KCNB2: variants seen among roughly 807,000 people sequenced by gnomAD.
The protein encoded by KCNB2 is delayed rectifier potassium channel protein.
A neutral mutation model predicts 61.5 loss-of-function variants in KCNB2; 15 were observed. The observed-to-expected ratio is 0.24, with a 90% CI of 0.16 to 0.38. KCNB2 has a LOEUF of 0.38. KCNB2 is among the 10% of genes least tolerant of loss of function. The pLI, the probability that KCNB2 is intolerant of heterozygous loss-of-function variation, is 1.00. For missense variants in KCNB2, 828 were observed against 1,125.2 expected, an observed-to-expected ratio of 0.74 and a Z score of 3.78; for synonymous variants, 457 against 446.0, an observed-to-expected ratio of 1.02 and a Z score of -0.31.
At chr8:72,620,843 G>C (rs1306869341) in intron 2 of KCNB2, among the ~76,000 whole-genome samples, 1 of 152,028 alleles carries the variant, frequency 6.6e-6, no homozygotes, top group Admixed American at 6.6e-5. Context: ...CCTGACCTCA[G>C]TTGATCCACC....
At chr8:72,643,633 G>A (rs1013070775) in intron 2 of KCNB2, among the ~76,000 whole-genome samples, 1 of 152,042 alleles carries the variant, frequency 6.6e-6, no homozygotes, top group Non-Finnish European at 1.5e-5. Context: ...TTCTGAGCTT[G>A]TATCACTTTT....
In KCNB2 at chr8:72,902,299, T is replaced by C. The variant is rs571984134; in HGVS notation, c.580-33636T>C. 7.2e-5 allele frequency among the ~76,000 whole-genome samples: 11 copies of C among 152,218 alleles called. No individual in the cohort carries two copies. The South Asian group carries it at 1.0e-3, about 14-fold the overall frequency. On this transcript the variant is annotated intron_variant, in intron 2 of 2. Coordinates refer to ENST00000523207, the MANE Select transcript of KCNB2 (RefSeq NM_004770.3). ...GGACTTAAGGAACAAAGGACCATGA[T>C]GAAGAGCCAAAGATAGGTGTTGTGG...
intron 2 of KCNB2, among the ~76,000 whole-genome samples, chr8:72,664,911 C>T (rs1259372834): frequency 6.6e-6 from 1 of 152,098 alleles, no homozygotes; most frequent in Non-Finnish European, 1.5e-5. Flanking sequence ...AAGGAAACAG[C>T]AAAGACAAAA....
intron 2 of KCNB2, among the ~76,000 whole-genome samples, chr8:72,893,213 TA>T (rs969162608): frequency 2.0e-5 from 3 of 151,634 alleles, no homozygotes; most frequent in Non-Finnish European, 2.9e-5. Flanking sequence ...TTCTGCTTAT[TA>T]AAAAAAAATC....
chr8:72,898,088 T>A (rs1726827346), intron 2 of KCNB2, among the ~76,000 whole-genome samples: 1 of 152,192 alleles, frequency 6.6e-6, no homozygotes, highest in South Asian at 2.1e-4. Flanking sequence ...CTTCAAAGTC[T>A]GTTTTTTAAT....
At chr8:72,903,926 TA>T (rs1806129212) in intron 2 of KCNB2, among the ~76,000 whole-genome samples, 1 of 152,138 alleles carries the variant, frequency 6.6e-6, no homozygotes, top group Middle Eastern at 3.2e-3. Context: ...GACTCCATGC[TA>T]AAGGGGAGAT....
chr8:72,757,982 T>A (rs1220174954), intron 2 of KCNB2, among the ~76,000 whole-genome samples: 2 of 152,180 alleles, frequency 1.3e-5, no homozygotes, highest in Non-Finnish European at 2.9e-5. Flanking sequence ...CAGAGGGGAA[T>A]CAAAGGCATA....
At chr8:72,813,216 C>A (rs570976313) in intron 2 of KCNB2, among the ~76,000 whole-genome samples, 2 of 152,250 alleles carry the variant, frequency 1.3e-5, no homozygotes, top group Non-Finnish European at 1.5e-5. Flanking sequence ...CCGTGCCCAA[C>A]CAGTGTTGGT....
At chr8:72,619,782 T>G (rs1249130066) in intron 2 of KCNB2, among the ~76,000 whole-genome samples, 1 of 152,208 alleles carries the variant, frequency 6.6e-6, no homozygotes, top group Middle Eastern at 3.2e-3. Flanking sequence ...TAGCTTCAGG[T>G]AACAAAATAA....
chr8:72,704,439 A>G (rs1462857797), intron 2 of KCNB2, among the ~76,000 whole-genome samples: 1 of 151,968 alleles, frequency 6.6e-6, no homozygotes, highest in Non-Finnish European at 1.5e-5. Context: ...TTCCATCTGA[A>G]AGGAGTTACT....
rs796222096 is a variant in KCNB2 at position 72,841,361 on chromosome 8, C to CTTT, written c.580-94566_580-94564dup. ...GATACCTCCAACTTTGTTTTCTTTT[C>CTTT]TTTTTTTTTTCTTTTTTTTTTTTTT... On this transcript the variant is annotated intron_variant, in intron 2 of 2. Coordinates refer to ENST00000523207, the MANE Select transcript of KCNB2 (RefSeq NM_004770.3). Among the ~76,000 whole-genome samples, 31 of 66,184 alleles carry CTTT rather than the reference C, an allele frequency of 4.7e-4. 1 individual carries two copies. The highest frequency in any genetic ancestry group is 5.9e-4 in the African/African-American group (11 of 18,544). 43.4% of individuals were successfully genotyped at this position (66,184 alleles called of 152,430 possible).
chr8:72,749,976 C>G, intron 2 of KCNB2, among the ~76,000 whole-genome samples: 1 of 151,452 alleles, frequency 6.6e-6, no homozygotes, highest in East Asian at 1.9e-4. Context: ...TTCCCTGCCT[C>G]CCCACACTCA....
chr8:72,900,200 A>G (rs1330981848), intron 2 of KCNB2, among the ~76,000 whole-genome samples: 2 of 152,312 alleles, frequency 1.3e-5, no homozygotes, highest in African/African-American at 4.8e-5. Flanking sequence ...CTACATACTT[A>G]CAAACATCTG....
At chr8:72,873,055 C>T (rs1363436240) in intron 2 of KCNB2, among the ~76,000 whole-genome samples, 1 of 152,180 alleles carries the variant, frequency 6.6e-6, no homozygotes, top group Non-Finnish European at 1.5e-5. Context: ...GCAGCAGCAC[C>T]CATGCTTAGC....
At chr8:72,724,987 T>C (rs1807608749) in intron 2 of KCNB2, among the ~76,000 whole-genome samples, 1 of 152,180 alleles carries the variant, frequency 6.6e-6, no homozygotes, top group African/African-American at 2.4e-5. Flanking sequence ...TTCCTAACCT[T>C]GGAGATATCA....
chr8:72,849,845 G>A (rs1375498885), intron 2 of KCNB2, among the ~76,000 whole-genome samples: 1 of 152,124 alleles, frequency 6.6e-6, no homozygotes, highest in East Asian at 1.9e-4. Context: ...ATCCTTCTAA[G>A]ACTTTGACTC....
At chr8:72,818,167 A>C (rs939842975) in intron 2 of KCNB2, among the ~76,000 whole-genome samples, 3 of 152,014 alleles carry the variant, frequency 2.0e-5, no homozygotes, top group Non-Finnish European at 4.4e-5. Context: ...TTATCCTCCA[A>C]CAACAACAAC....
chr8:72,839,580 G>A (rs1809842447), intron 2 of KCNB2, among the ~76,000 whole-genome samples: 1 of 144,080 alleles, frequency 6.9e-6, no homozygotes, highest in South Asian at 2.2e-4. Flanking sequence ...TGCCCCTTGA[G>A]CTAAACTTTG....
At position 72,537,476 on chromosome 8, in the gene KCNB2, G is replaced by C. The variant is rs1806129244; in HGVS notation, c.-503G>C. On this transcript the variant is annotated 5_prime_UTR_variant, in exon 1 of 3. Transcript: ENST00000523207. ...CTTTCTGGCTCCTTCCGCGCGGCGAGCTCAGCCCCGCTCGATTTTTCCTCT... is the reference window on the plus strand; with the variant it reads ...CTTTCTGGCTCCTTCCGCGCGGCGACCTCAGCCCCGCTCGATTTTTCCTCT... 1 of 152,358 alleles carries C rather than the reference G, an allele frequency of 6.6e-6. No homozygotes were observed. Among genetic ancestry groups the C allele is most frequent in the South Asian group, 2.0e-4 (1 of 5,044 alleles). The allele number at this position is 152,358 out of a possible 1,614,324, so 9.4% of individuals were successfully genotyped here.
Sources: gnomAD v4.1 joint callset for allele counts (sites outside exome capture counted in the v4.1 genomes callset) on GRCh38, gnomAD v4.1.1 for gene constraint, MANE v1.5 for transcripts, NCBI Gene and HGNC (gene_info 2026-07-23, HGNC 2026-07-21) for gene names.